The following JMJD1C variants were observed in gnomAD, a reference collection of about 807,000 sequenced individuals.
JMJD1C encodes the protein jumonji domain-containing protein 1C.
A neutral mutation model predicts 245.3 loss-of-function variants in JMJD1C; 31 were observed. That is an observed-to-expected ratio of 0.13 (90% CI 0.09 to 0.17). JMJD1C has a LOEUF of 0.17. Among genes scored for constraint, JMJD1C ranks in the 10% least tolerant of loss-of-function variants. The pLI, the probability that JMJD1C is intolerant of heterozygous loss-of-function variation, is 1.00. For missense variants in JMJD1C, 2,691 were observed against 3,000.2 expected (o/e 0.90, Z 2.41); for synonymous variants, 1,057 against 1,017.4 (o/e 1.04, Z -0.74).
intron 1 of JMJD1C, among the ~76,000 whole-genome samples, chr10:63,448,662 T>C (rs909555922): frequency 1.3e-5 from 2 of 152,170 alleles, no homozygotes; most frequent in African/African-American, 2.4e-5. Flanking sequence ...TCTAGAGAAA[T>C]AGAAATAAAG....
chr10:63,301,783 G>A (rs747097744), intron 2 of JMJD1C: 101 of 431,116 alleles, frequency 2.3e-4, no homozygotes, highest in Non-Finnish European at 2.4e-4. Flanking sequence ...AAACCGGCAC[G>A]TTCTGCATAT....
At chr10:63,245,703 G>A (rs553946044) in intron 3 of JMJD1C, among the ~76,000 whole-genome samples, 25 of 152,142 alleles carry the variant, frequency 1.6e-4, no homozygotes, top group African/African-American at 3.9e-4. Context: ...GGCTGGTCTC[G>A]AACTCTTGAC....
chr10:63,390,360 C>A (rs530656619), intron 1 of JMJD1C, among the ~76,000 whole-genome samples: 1 of 152,020 alleles, frequency 6.6e-6, no homozygotes, highest in Non-Finnish European at 1.5e-5. Context: ...AAACTAATAA[C>A]AAGTAATGAG....
intron 1 of JMJD1C, among the ~76,000 whole-genome samples, chr10:63,513,602 A>G (rs1306294288): frequency 6.6e-6 from 1 of 152,204 alleles, no homozygotes; most frequent in African/African-American, 2.4e-5. Flanking sequence ...ATGAACTTAA[A>G]CAACTGAAGC....
At chr10:63,238,096 G>C (rs535735098) in intron 3 of JMJD1C, among the ~76,000 whole-genome samples, 1 of 143,826 alleles carries the variant, frequency 7.0e-6, no homozygotes, top group Non-Finnish European at 1.5e-5. Flanking sequence ...CATGAGAATC[G>C]CTTGAACCTG....
At chr10:63,493,410 T>C (rs903104986) in intron 1 of JMJD1C, among the ~76,000 whole-genome samples, 2 of 151,750 alleles carry the variant, frequency 1.3e-5, no homozygotes, top group African/African-American at 4.8e-5. Context: ...GCCTCATGAG[T>C]AGCTGCGATT....
chr10:63,442,279 T>C (rs1301719369), intron 1 of JMJD1C, among the ~76,000 whole-genome samples: 2 of 152,130 alleles, frequency 1.3e-5, no homozygotes, highest in Non-Finnish European at 2.9e-5. Context: ...ATATATCAAT[T>C]TGAAATCAGT....
intron 1 of JMJD1C, among the ~76,000 whole-genome samples, chr10:63,476,801 A>C (rs1024590581): frequency 6.6e-6 from 1 of 152,180 alleles, no homozygotes; most frequent in Non-Finnish European, 1.5e-5. Flanking sequence ...ATGGTGGCTC[A>C]CACCTGTAAT....
chr10:63,303,613 G>A (rs1860354684), intron 2 of JMJD1C, among the ~76,000 whole-genome samples: 1 of 152,048 alleles, frequency 6.6e-6, no homozygotes, highest in African/African-American at 2.4e-5. Flanking sequence ...GCCTGCTTGT[G>A]CTTTTAATCA....
intron 1 of JMJD1C, among the ~76,000 whole-genome samples, chr10:63,483,374 C>T (rs1272995054): frequency 2.6e-5 from 4 of 152,200 alleles, no homozygotes; most frequent in Non-Finnish European, 4.4e-5. Context: ...AGCCTTCGCA[C>T]TAGTAACATT....
At chr10:63,340,726 T>C (rs1187908500) in intron 2 of JMJD1C, among the ~76,000 whole-genome samples, 3 of 152,030 alleles carry the variant, frequency 2.0e-5, no homozygotes, top group Non-Finnish European at 2.9e-5. Flanking sequence ...AGGTGGATCA[T>C]CTGAGGTCAG....
intron 8 of JMJD1C, among the ~76,000 whole-genome samples, chr10:63,209,623 A>C (rs1847086361): frequency 6.6e-6 from 1 of 152,214 alleles, no homozygotes. Flanking sequence ...ACATTTCATC[A>C]GAAATAGAAA....
chr10:63,318,881 A>G (rs931110473), intron 2 of JMJD1C, among the ~76,000 whole-genome samples: 9 of 152,120 alleles, frequency 5.9e-5, no homozygotes, highest in Non-Finnish European at 1.2e-4. Flanking sequence ...CTTATTTTTA[A>G]TATTAAGGTT....
intron 2 of JMJD1C, among the ~76,000 whole-genome samples, chr10:63,270,620 C>A (rs1234856349): frequency 6.6e-6 from 1 of 152,104 alleles, no homozygotes; most frequent in African/African-American, 2.4e-5. Context: ...GTGGGCATCA[C>A]CATGCCTAGC....
chr10:63,424,702 T>C (rs1042439724), intron 1 of JMJD1C, among the ~76,000 whole-genome samples: 3 of 152,176 alleles, frequency 2.0e-5, no homozygotes, highest in Middle Eastern at 3.4e-3. Flanking sequence ...AATCTGGATC[T>C]ATCATTCAGA....
At chr10:63,286,161 A>G (rs1431420040) in intron 2 of JMJD1C, among the ~76,000 whole-genome samples, 2 of 152,228 alleles carry the variant, frequency 1.3e-5, no homozygotes, top group Non-Finnish European at 2.9e-5. Context: ...TTGATTTTCG[A>G]ATCAAAGACC....
intron 8 of JMJD1C, among the ~76,000 whole-genome samples, chr10:63,210,647 T>C (rs985762377): frequency 1.3e-5 from 2 of 152,156 alleles, no homozygotes; most frequent in African/African-American, 2.4e-5. Context: ...TGTGTTCCTC[T>C]AGCTAGCTTA....
intron 1 of JMJD1C, among the ~76,000 whole-genome samples, chr10:63,413,646 T>A (rs1949619846): frequency 6.6e-6 from 1 of 152,188 alleles, no homozygotes; most frequent in South Asian, 2.1e-4. Context: ...TATCAAGCGA[T>A]AAGATAATGA....
At chr10:63,449,783 C>T (rs1951927657) in intron 1 of JMJD1C, among the ~76,000 whole-genome samples, 1 of 152,032 alleles carries the variant, frequency 6.6e-6, no homozygotes, top group African/African-American at 2.4e-5. Context: ...AAAAGATATT[C>T]ATACTTCCTA....
Sources: allele counts gnomAD v4.1 joint callset (sites outside exome capture counted in the v4.1 genomes callset), GRCh38; gene constraint gnomAD v4.1.1; transcripts MANE v1.5; gene names NCBI Gene and HGNC (gene_info 2026-07-23, HGNC 2026-07-21).